Variants in GOLGA1 observed in about 807,000 individuals in gnomAD.
The protein encoded by GOLGA1 is golgin A1.
In GOLGA1, 63 loss-of-function variants were observed where a neutral mutation model predicts 119.7. The ratio of observed to expected loss-of-function variants is 0.53; its 90% CI spans 0.43 to 0.65. The LOEUF (loss-of-function observed/expected upper bound fraction) is 0.65, where lower values mean the gene tolerates loss of function less well. Ranked by LOEUF, GOLGA1 falls within the 30% of genes least tolerant of loss-of-function variation. GOLGA1 has a pLI of 0.00. For missense variants in GOLGA1, 798 were observed against 912.8 expected (o/e 0.87, Z 1.62); for synonymous variants, 318 against 333.4 (o/e 0.95, Z 0.50).
intron 19 of GOLGA1, chr9:124,887,619 G>GCACT (rs1400580347): frequency 6.6e-6 from 1 of 152,502 alleles, no homozygotes; most frequent in Non-Finnish European, 1.5e-5. Context: ...ACACACACGT[G>GCACT]CACTCACACA....
At chr9:124,894,791 G>A (rs1434011479) in intron 15 of GOLGA1, among the ~76,000 whole-genome samples, 1 of 152,104 alleles carries the variant, frequency 6.6e-6, no homozygotes, top group Non-Finnish European at 1.5e-5. Flanking sequence ...GTCCTAAGTG[G>A]GGCTGCTACT....
chr9:124,895,034 A>C (rs945971836), intron 15 of GOLGA1, among the ~76,000 whole-genome samples: 12 of 110,972 alleles, frequency 1.1e-4, no homozygotes, highest in Non-Finnish European at 1.9e-4. Flanking sequence ...ACAACAGAGA[A>C]CCACCCACAA....
chr9:124,921,528 T>G (rs1226348503), intron 9 of GOLGA1, among the ~76,000 whole-genome samples, 195 bp downstream of exon 9: 1 of 151,984 alleles, frequency 6.6e-6, no homozygotes, highest in Non-Finnish European at 1.5e-5. Context: ...CTGTCCTGAG[T>G]TTCAGCAGCT....
At position 124,879,152 on chromosome 9, in the gene GOLGA1, T is replaced by C. The variant is rs373979427; in HGVS notation, c.*1378A>G. The C allele has an allele frequency of 2.0e-5, 3 of 152,370 alleles. No individual in the cohort carries two copies. The South Asian group carries it at 6.2e-4, about 32-fold the overall frequency. 9.4% of individuals were successfully genotyped at this position (152,370 alleles called of 1,614,324 possible). On this transcript the variant is annotated 3_prime_UTR_variant, in exon 23 of 23. Transcript: ENST00000373555. ...TACCTATTTTGGCCCTAAGCATGAT[T>C]GAGAAATACAACTTTCCATCACTGG...
chr9:124,926,219 G>A (rs1037741604), intron 7 of GOLGA1, among the ~76,000 whole-genome samples: 2 of 152,208 alleles, frequency 1.3e-5, no homozygotes, highest in African/African-American at 4.8e-5. Flanking sequence ...AAGATGAAGA[G>A]GTTATAGGAA....
intron 19 of GOLGA1, among the ~76,000 whole-genome samples, chr9:124,886,705 G>C (rs1290230207): frequency 2.0e-5 from 3 of 152,148 alleles, no homozygotes; most frequent in Admixed American, 1.3e-4. Flanking sequence ...AGGCAAGAAG[G>C]GGGAGGCGGC....
chr9:124,895,929 T>C (rs1397790634), intron 15 of GOLGA1, among the ~76,000 whole-genome samples: 1 of 142,632 alleles, frequency 7.0e-6, no homozygotes, highest in Admixed American at 8.0e-5. Flanking sequence ...ACAGAGACCC[T>C]CCACAACAGA....
chr9:124,904,890 G>C (rs975020060), intron 12 of GOLGA1, among the ~76,000 whole-genome samples: 9 of 148,708 alleles, frequency 6.1e-5, no homozygotes, highest in Admixed American at 5.5e-4. Context: ...AGAGCAGTGA[G>C]CCAAGATTGC....
intron 12 of GOLGA1, among the ~76,000 whole-genome samples, chr9:124,907,485 C>T (rs1158174803): frequency 6.6e-6 from 1 of 152,128 alleles, no homozygotes; most frequent in Non-Finnish European, 1.5e-5. Flanking sequence ...TCTGGTAACA[C>T]TGAACTTAAG....
intron 3 of GOLGA1, among the ~76,000 whole-genome samples, chr9:124,936,436 C>CT (rs1233132106): frequency 3.3e-5 from 5 of 151,710 alleles, no homozygotes; most frequent in African/African-American, 7.3e-5. Context: ...ATGCTGGGAT[C>CT]TTTTTTTTAA....
intron 3 of GOLGA1, among the ~76,000 whole-genome samples, chr9:124,935,773 A>AAAAAAAAG (rs1830852859): frequency 1.3e-5 from 2 of 151,900 alleles, no homozygotes; most frequent in Non-Finnish European, 1.5e-5. Flanking sequence ...CAAAAAAAAA[A>AAAAAAAAG]AAAAAAAAGA....
Position 124,908,413 on chromosome 9 carries a change from G to A in GOLGA1, c.1029C>T (p.Ser343=). The change falls in exon 12 of 23, where the codon AGC becomes AGT. Residue 343 remains serine, a synonymous_variant. Coordinates refer to ENST00000373555, the MANE Select transcript of GOLGA1 (RefSeq NM_002077.4). ...GGGTGTTAATGGCCTTAGCCTGGCT[G>A]CTTCTGGCTGCCAAGAGCTGTTGTC... is the stretch of plus-strand genomic sequence containing the variant. ...DTRQQLLAAR[S]SQAKAINTLE... is the part of the protein sequence containing the mutation. 1.9e-6 allele frequency: 3 copies of A among 1,610,726 alleles called. No individual in the cohort carries two copies. The highest frequency in any genetic ancestry group is 2.5e-6 in the Non-Finnish European group (3 of 1,176,844).
Position 124,879,996 on chromosome 9 carries a change from C to G in GOLGA1, c.*534G>C, listed in dbSNP as rs955423882. The stretch of plus-strand genomic sequence containing the variant: ...CTAAAGTTCTAGGTGGTTTGAGAGA[C>G]AGGGTGAAAGAATATTTTCTTGAGA... On this transcript the variant is annotated 3_prime_UTR_variant, in exon 23 of 23. Coordinates refer to ENST00000373555, the MANE Select transcript of GOLGA1 (RefSeq NM_002077.4). The G allele has an allele frequency of 1.3e-5, 2 of 152,688 alleles. No individual in the cohort carries two copies. Among genetic ancestry groups the G allele is most frequent in the African/African-American group, 4.8e-5 (2 of 41,446 alleles). 9.5% of individuals were successfully genotyped at this position (152,688 alleles called of 1,614,324 possible).
In GOLGA1 at chr9:124,898,605, T is replaced by C. The variant is rs1479709264; in HGVS notation, c.1351A>G (p.Arg451Gly). The part of the protein sequence containing the change: ...EQENAALKEC[R>G]NEYERSLQNH... ...TGTAAAGAACGTTCATATTCATTCCTGCATTCTTTAAGGGCTGCATTTTCT... is the reference window on the plus strand; with the variant it reads ...TGTAAAGAACGTTCATATTCATTCCCGCATTCTTTAAGGGCTGCATTTTCT... The change falls in exon 15 of 23, where the codon AGG (arginine) becomes GGG (glycine). Residue 451 changes from arginine to glycine, a missense_variant. By Grantham distance (125) the Arg-to-Gly change is moderately radical. Coordinates refer to ENST00000373555, the MANE Select transcript of GOLGA1 (RefSeq NM_002077.4). 1 of 1,611,858 alleles carries C rather than the reference T, an allele frequency of 6.2e-7. No homozygotes were observed. Among genetic ancestry groups the C allele is most frequent in the Non-Finnish European group, 8.5e-7 (1 of 1,177,994 alleles).
At chr9:124,932,748 AG>A (rs1830792627) in intron 3 of GOLGA1, among the ~76,000 whole-genome samples, 1 of 152,216 alleles carries the variant, frequency 6.6e-6, no homozygotes, top group African/African-American at 2.4e-5. Flanking sequence ...TCTGGAGCCT[AG>A]GAAGTCCAAA....
At chr9:124,942,583 T>A (rs1831072881), upstream of GOLGA1, 1 of 152,210 alleles carries the variant, frequency 6.6e-6, no homozygotes, top group African/African-American at 2.4e-5. Context: ...AGTTCAGCTG[T>A]CAATACCGAA....
At chr9:124,895,791 A>G (rs1829970782) in intron 15 of GOLGA1, among the ~76,000 whole-genome samples, 3 of 149,950 alleles carry the variant, frequency 2.0e-5, no homozygotes, top group African/African-American at 4.9e-5. Flanking sequence ...ACAACAGAGA[A>G]CCATCCCCAA....
chr9:124,904,125 T>C (rs1292866412), intron 12 of GOLGA1, among the ~76,000 whole-genome samples: 1 of 148,496 alleles, frequency 6.7e-6, no homozygotes, highest in African/African-American at 2.5e-5. Context: ...GTCTGACATA[T>C]GCTACAACAT....
intron 19 of GOLGA1, among the ~76,000 whole-genome samples, chr9:124,887,123 C>T (rs772282374): frequency 2.6e-5 from 4 of 152,150 alleles, no homozygotes; most frequent in African/African-American, 9.7e-5. Flanking sequence ...AGGCAGTGAT[C>T]CCGTGACAGA....
Sources: gnomAD v4.1 joint callset for allele counts (sites outside exome capture counted in the v4.1 genomes callset) on GRCh38, gnomAD v4.1.1 for gene constraint, MANE v1.5 for transcripts, NCBI Gene and HGNC (gene_info 2026-07-23, HGNC 2026-07-21) for gene names.